HERC1: variants seen among roughly 807,000 people sequenced by gnomAD.
HERC1 encodes the protein probable E3 ubiquitin-protein ligase HERC1.
A neutral mutation model predicts 554.3 loss-of-function variants in HERC1; 160 were observed. That is an observed-to-expected ratio of 0.29 (90% CI 0.25 to 0.33). The LOEUF (loss-of-function observed/expected upper bound fraction) is 0.33. Ranked by LOEUF, HERC1 falls within the 10% of genes least tolerant of loss-of-function variation. The pLI, the probability that HERC1 is intolerant of heterozygous loss-of-function variation, is 1.00. For missense variants in HERC1, 4,919 were observed against 5,918.5 expected (o/e 0.83, Z 5.54); for synonymous variants, 2,175 against 2,131.7 (o/e 1.02, Z -0.56).
At chr15:63,829,444 A>ATGTGTGTG (rs35693299) in intron 1 of HERC1, among the ~76,000 whole-genome samples, 1 of 132,580 alleles carries the variant, frequency 7.5e-6, no homozygotes, top group Non-Finnish European at 1.6e-5. Context: ...AAACGTCAGT[A>ATGTGTGTG]TGTGTGTGTG....
intron 34 of HERC1, among the ~76,000 whole-genome samples, chr15:63,685,437 T>A (rs1048139381): frequency 6.6e-6 from 1 of 152,270 alleles, no homozygotes; most frequent in Non-Finnish European, 1.5e-5. Context: ...TAAGGGATTA[T>A]ATTTCTTGTG....
chr15:63,644,966 A>G lies in HERC1; in HGVS notation c.11184+26T>C, dbSNP rs777248270. 9 of 1,506,638 alleles carry G rather than the reference A, an allele frequency of 6.0e-6. No homozygotes were observed. The Admixed American group carries it at 1.5e-4, about 25-fold the overall frequency. 93.3% of individuals were successfully genotyped at this position (1,506,638 alleles called of 1,614,324 possible). A position where few individuals can be genotyped will look rare whatever the true frequency, so the allele number is the denominator to read the frequency against. ...TCATATACTTTCCATAGTTTCAGAC[A>G]GTCTTCAAAAACACCAGAATGTTAC... On this transcript the variant is annotated intron_variant, in intron 57 of 77. Coordinates refer to ENST00000443617, the MANE Select transcript of HERC1 (RefSeq NM_003922.4).
At chr15:63,629,710 T>C (rs1595854935) in intron 69 of HERC1, among the ~76,000 whole-genome samples, 1 of 152,272 alleles carries the variant, frequency 6.6e-6, no homozygotes, top group East Asian at 1.9e-4. Context: ...GTTAATGCAG[T>C]GATGAGGAGA....
At chr15:63,726,420 A>G (rs927928564) in intron 17 of HERC1, among the ~76,000 whole-genome samples, 6 of 152,256 alleles carry the variant, frequency 3.9e-5, no homozygotes, top group Non-Finnish European at 7.3e-5. Flanking sequence ...ATGATAATGG[A>G]TAAGTTATCT....
intron 1 of HERC1, among the ~76,000 whole-genome samples, chr15:63,816,232 T>C (rs1338850832): frequency 1.3e-5 from 2 of 152,222 alleles, no homozygotes; most frequent in African/African-American, 4.8e-5. Context: ...CTGTAAGTCT[T>C]TTACATGTTA....
chr15:63,632,898 C>A, intron 67 of HERC1, 87 bp from the exon 68 acceptor site: 1 of 849,266 alleles, frequency 1.2e-6, no homozygotes, highest in Non-Finnish European at 1.8e-6. Flanking sequence ...CAAGAACTAC[C>A]TTCCAACAAA....
chr15:63,815,907 C>T (rs1221373112), intron 1 of HERC1, among the ~76,000 whole-genome samples: 3 of 152,098 alleles, frequency 2.0e-5, no homozygotes, highest in African/African-American at 7.2e-5. Flanking sequence ...AGGAGAAGTG[C>T]CTAGCAAAAG....
At chr15:63,747,684 A>G (rs980907809) in intron 11 of HERC1, 40 bp downstream of exon 11, 108 of 1,080,218 alleles carry the variant, frequency 1.0e-4, no homozygotes, top group East Asian at 4.7e-4. Context: ...ACGCGCGCGC[A>G]CACACACACA....
intron 2 of HERC1, among the ~76,000 whole-genome samples, chr15:63,771,929 G>A (rs1426447901): frequency 6.6e-6 from 1 of 151,976 alleles, no homozygotes; most frequent in Non-Finnish European, 1.5e-5. Context: ...TTTAAGGTAG[G>A]CCTTCATGGA....
intron 47 of HERC1, 131 bp downstream of exon 47, chr15:63,659,605 G>A: frequency 1.4e-6 from 1 of 693,612 alleles, no homozygotes; most frequent in Non-Finnish European, 2.4e-6. Flanking sequence ...TGGCTAAAGA[G>A]ACTTGTTGGG....
At chr15:63,697,917 G>T (rs1257821111) in intron 26 of HERC1, among the ~76,000 whole-genome samples, 1 of 152,150 alleles carries the variant, frequency 6.6e-6, no homozygotes, top group South Asian at 2.1e-4. Flanking sequence ...GAGAACTATG[G>T]AAGAATTGTG....
chr15:63,638,823 G>T, intron 61 of HERC1, 47 bp from the exon 62 acceptor site: 2 of 1,366,736 alleles, frequency 1.5e-6, no homozygotes, highest in Non-Finnish European at 2.1e-6. Context: ...TAGGCAAGAT[G>T]CACCTGCTCT....
chr15:63,643,583 T>A, intron 57 of HERC1, 33 bp from the exon 58 acceptor site: 1 of 1,456,406 alleles, frequency 6.9e-7, no homozygotes, highest in Non-Finnish European at 9.3e-7. Context: ...TGCATTAAAA[T>A]AAAGATAAAT....
intron 25 of HERC1, among the ~76,000 whole-genome samples, chr15:63,705,671 C>T (rs1430658825): frequency 6.6e-6 from 1 of 151,990 alleles, no homozygotes; most frequent in Non-Finnish European, 1.5e-5. Flanking sequence ...TAGAAAACTG[C>T]CACTAGTGGC....
chr15:63,674,564 C>A lies in HERC1; in HGVS notation c.7624G>T (p.Gly2542Cys). 3 of 1,612,416 alleles carry A rather than the reference C, an allele frequency of 1.9e-6. No individual in the cohort carries two copies. The highest frequency in any genetic ancestry group is 1.1e-5 in the South Asian group (1 of 90,818). Residue 2542 changes from glycine to cysteine, a missense_variant, in exon 38 of 78, where the codon GGC becomes TGC. Transcript: ENST00000443617. ...GAACTTGCACAGTCTGAGTTGTGGCCATTTTCAGCCAGAACTTTTGGTATC... is the reference window on the plus strand; with the variant it reads ...GAACTTGCACAGTCTGAGTTGTGGCAATTTTCAGCCAGAACTTTTGGTATC... ...LLIPKVLAEN[G>C]HNSDCASSPV...
chr15:63,735,757 TAATA>T (rs1004081938), intron 12 of HERC1, among the ~76,000 whole-genome samples: 1 of 152,174 alleles, frequency 6.6e-6, no homozygotes, highest in Non-Finnish European at 1.5e-5. Flanking sequence ...AATGTTCTAT[TAATA>T]ATTATTTGAA....
At chr15:63,754,888 G>T (rs772897372) in intron 6 of HERC1, among the ~76,000 whole-genome samples, 1 of 152,018 alleles carries the variant, frequency 6.6e-6, no homozygotes, top group Non-Finnish European at 1.5e-5. Flanking sequence ...TCCCCTCACA[G>T]CACTTACCTT....
At chr15:63,691,371 C>T (rs2072098297) in intron 31 of HERC1, among the ~76,000 whole-genome samples, 1 of 151,828 alleles carries the variant, frequency 6.6e-6, no homozygotes, top group Middle Eastern at 3.4e-3. Context: ...GAGGCTGAGA[C>T]GGGAGGATCA....
intron 1 of HERC1, among the ~76,000 whole-genome samples, chr15:63,824,679 A>T (rs1386671967): frequency 2.0e-5 from 3 of 152,190 alleles, no homozygotes; most frequent in African/African-American, 7.2e-5. Flanking sequence ...ACTAACTCAG[A>T]TATGGAACCA....
Sources: allele counts gnomAD v4.1 joint callset (sites outside exome capture counted in the v4.1 genomes callset), GRCh38; gene constraint gnomAD v4.1.1; transcripts MANE v1.5; gene names NCBI Gene and HGNC (gene_info 2026-07-23, HGNC 2026-07-21).